Variants in CACNA2D3 observed in about 807,000 individuals in gnomAD.
The protein encoded by CACNA2D3 is calcium voltage-gated channel auxiliary subunit alpha2delta 3, also known as voltage-dependent calcium channel subunit alpha-2/delta-3.
CACNA2D3 carries 60 observed loss-of-function variants against 160.6 expected under a neutral mutation model. The observed-to-expected ratio is 0.37, with a 90% confidence interval of 0.30 to 0.46. The LOEUF (loss-of-function observed/expected upper bound fraction) is 0.46, where lower values mean the gene tolerates loss of function less well. Ranked by LOEUF, CACNA2D3 falls within the 20% of genes least tolerant of loss-of-function variation. CACNA2D3 has a pLI of 1.00. For missense variants in CACNA2D3, 1,205 were observed against 1,365.0 expected (o/e 0.88, Z 1.85); for synonymous variants, 558 against 492.9 (o/e 1.13, Z -1.75).
At chr3:54,502,660 G>A (rs1341512739) in intron 4 of CACNA2D3, among the ~76,000 whole-genome samples, 2 of 152,192 alleles carry the variant, frequency 1.3e-5, no homozygotes, top group Non-Finnish European at 2.9e-5. Context: ...TAGATGGCCT[G>A]TATTTGAATT....
chr3:54,889,944 T>A (rs1700018634), intron 24 of CACNA2D3, among the ~76,000 whole-genome samples: 1 of 152,204 alleles, frequency 6.6e-6, no homozygotes, highest in African/African-American at 2.4e-5. Context: ...GTCCACCATC[T>A]GTAACTGATT....
At chr3:55,008,886 T>TACACACGC (rs1491125549) in intron 33 of CACNA2D3, among the ~76,000 whole-genome samples, 4 of 53,292 alleles carry the variant, frequency 7.5e-5, no homozygotes, top group African/African-American at 2.3e-4. Context: ...CACCTCCCTC[T>TACACACGC]ATACACACAC....
intron 13 of CACNA2D3, among the ~76,000 whole-genome samples, chr3:54,784,656 A>G (rs1702600044): frequency 6.6e-6 from 1 of 152,114 alleles, no homozygotes; most frequent in South Asian, 2.1e-4. Flanking sequence ...AGTCCAGTGC[A>G]GAGTTGCAAT....
chr3:54,245,668 T>C (rs1702058261), intron 2 of CACNA2D3, among the ~76,000 whole-genome samples: 1 of 152,130 alleles, frequency 6.6e-6, no homozygotes, highest in Non-Finnish European at 1.5e-5. Flanking sequence ...AAACAGAGCA[T>C]CTATTCAGAA....
chr3:54,189,874 C>A (rs1209051832), intron 2 of CACNA2D3, among the ~76,000 whole-genome samples: 3 of 152,192 alleles, frequency 2.0e-5, no homozygotes, highest in African/African-American at 7.2e-5. Flanking sequence ...TTAATGAGTA[C>A]ACATAATTTT....
chr3:54,168,536 G>A lies in CACNA2D3; in HGVS notation c.204+44942G>A, dbSNP rs946132797. Among the ~76,000 whole-genome samples, 35 of 152,228 alleles carry A rather than the reference G, an allele frequency of 2.3e-4. 1 individual carries two copies. The highest frequency in any genetic ancestry group is 3.7e-4 in the Non-Finnish European group (25 of 68,014). Reference sequence around the variant, plus strand: ...CTCCCATGATGCTGTGGGTACTGAGGAGCCACCTTAGGAGGCCTGGATTAA... The same window carrying A: ...CTCCCATGATGCTGTGGGTACTGAGAAGCCACCTTAGGAGGCCTGGATTAA... On this transcript the variant is annotated intron_variant, in intron 2 of 37. Transcript: ENST00000474759.
At chr3:54,123,153 CT>C (rs1273108029) in intron 1 of CACNA2D3, among the ~76,000 whole-genome samples, 3 of 122,428 alleles carry the variant, frequency 2.5e-5, no homozygotes, top group Admixed American at 8.1e-5. Context: ...CGCCCCACTT[CT>C]TTTTTTGGGG....
intron 13 of CACNA2D3, among the ~76,000 whole-genome samples, chr3:54,806,903 A>G (rs1433248121): frequency 1.3e-5 from 2 of 152,226 alleles, no homozygotes; most frequent in African/African-American, 2.4e-5. Flanking sequence ...AATGCTGCAT[A>G]TCTACAACTG....
chr3:54,466,147 C>A (rs1201752239), intron 4 of CACNA2D3, among the ~76,000 whole-genome samples: 1 of 152,186 alleles, frequency 6.6e-6, no homozygotes, highest in Non-Finnish European at 1.5e-5. Context: ...TTAAGGTCAA[C>A]TGACTCAAGA....
At chr3:54,755,190 C>T (rs984346042) in intron 12 of CACNA2D3, among the ~76,000 whole-genome samples, 11 of 152,138 alleles carry the variant, frequency 7.2e-5, no homozygotes, top group Admixed American at 1.3e-4. Context: ...TCTGATTTCA[C>T]GTCCTTCTCC....
chr3:54,176,627 T>C (rs1487256691), intron 2 of CACNA2D3, among the ~76,000 whole-genome samples: 1 of 152,250 alleles, frequency 6.6e-6, no homozygotes, highest in Admixed American at 6.5e-5. Context: ...CATTAGCTTG[T>C]GTAGCTTTTT....
At chr3:54,267,194 C>T (rs527834286) in intron 2 of CACNA2D3, among the ~76,000 whole-genome samples, 65 of 152,096 alleles carry the variant, frequency 4.3e-4, no homozygotes, top group Non-Finnish European at 8.5e-4. Context: ...GTTTTGTGTA[C>T]TCATTTGTAC....
At chr3:55,049,020 T>C (rs1369433481) in intron 35 of CACNA2D3, among the ~76,000 whole-genome samples, 1 of 150,218 alleles carries the variant, frequency 6.7e-6, no homozygotes, top group South Asian at 2.1e-4. Context: ...TTGCTAGCGG[T>C]CTATCAATTT....
At chr3:54,418,873 A>G (rs545322144) in intron 4 of CACNA2D3, among the ~76,000 whole-genome samples, 1 of 152,296 alleles carries the variant, frequency 6.6e-6, no homozygotes, top group East Asian at 1.9e-4. Flanking sequence ...CATACCCTTG[A>G]AATACAAAGA....
At chr3:54,501,883 G>T (rs914591080) in intron 4 of CACNA2D3, among the ~76,000 whole-genome samples, 15 of 152,264 alleles carry the variant, frequency 9.9e-5, no homozygotes, top group African/African-American at 3.4e-4. Context: ...CTTGTGAAGG[G>T]TAATTTCATG....
intron 27 of CACNA2D3, chr3:54,924,971 A>G (rs1239923157): frequency 6.2e-7 from 1 of 1,611,462 alleles, no homozygotes. Context: ...TTGAAAGGGA[A>G]TTGTTGGACA....
At position 54,879,032 on chromosome 3, in the gene CACNA2D3, G is replaced by A; in HGVS notation, c.1725G>A (p.Met575Ile). The A allele has an allele frequency of 6.2e-7, 1 of 1,603,962 alleles. No homozygotes were observed. Among genetic ancestry groups the A allele is most frequent in the South Asian group, 1.1e-5 (1 of 88,980 alleles). Residue 575 changes from methionine (M) to isoleucine (I), a missense_variant, in exon 19 of 38, where the codon ATG (methionine) becomes ATA (isoleucine). By Grantham distance (10) the Met-to-Ile change is conservative. Transcript: ENST00000474759. ...EDRDDVLRNAMVNRKTGKFSM... is the reference protein window; with the variant it reads ...EDRDDVLRNAIVNRKTGKFSM... ...TATCATTTTAGTTGAGAAATGCTAT[G>A]GTGAATCGAAAGACGGGGAAGTTTT...
At chr3:54,435,284 C>T (rs1194023374) in intron 4 of CACNA2D3, among the ~76,000 whole-genome samples, 2 of 152,174 alleles carry the variant, frequency 1.3e-5, no homozygotes, top group African/African-American at 2.4e-5. Context: ...ATGCATTCTG[C>T]ACCAACAAAG....
intron 35 of CACNA2D3, among the ~76,000 whole-genome samples, chr3:55,049,996 T>C (rs927060923): frequency 6.6e-6 from 1 of 150,948 alleles, no homozygotes; most frequent in African/African-American, 2.4e-5. Context: ...CCTATGTGTG[T>C]CTCTGCACGT....
Sources: gnomAD v4.1 joint callset for allele counts (sites outside exome capture counted in the v4.1 genomes callset) on GRCh38, gnomAD v4.1.1 for gene constraint, MANE v1.5 for transcripts, NCBI Gene and HGNC (gene_info 2026-07-23, HGNC 2026-07-21) for gene names.